The following BNC2 variants were observed in gnomAD, a reference collection of about 807,000 sequenced individuals.
BNC2 encodes the protein zinc finger protein basonuclin-2.
Under a neutral mutation model 76.3 loss-of-function variants are expected in BNC2, and 20 were observed. That is an observed-to-expected ratio of 0.26 (90% CI 0.18 to 0.38). The LOEUF (loss-of-function observed/expected upper bound fraction) is 0.38, where lower values mean the gene tolerates loss of function less well. Ranked by LOEUF, BNC2 falls within the 10% of genes least tolerant of loss-of-function variation. The pLI is 1.00. For synonymous variants in BNC2, 582 were observed against 514.8 expected (o/e 1.13, Z -1.77); for missense variants, 1,382 against 1,399.8 (o/e 0.99, Z 0.20).
intron 1 of BNC2, among the ~76,000 whole-genome samples, chr9:16,840,763 T>C (rs923613295): frequency 1.3e-5 from 2 of 152,192 alleles, no homozygotes; most frequent in African/African-American, 4.8e-5. Context: ...ATTTCAATCA[T>C]AGTTATTTCA....
At chr9:16,765,890 C>T (rs565908374) in intron 1 of BNC2, among the ~76,000 whole-genome samples, 2 of 152,018 alleles carry the variant, frequency 1.3e-5, no homozygotes, top group Admixed American at 1.3e-4. Flanking sequence ...GGGTTCACGC[C>T]ATTCTCCTGC....
At chr9:16,605,784 CTT>C (rs34431220) in intron 3 of BNC2, among the ~76,000 whole-genome samples, 18 of 110,732 alleles carry the variant, frequency 1.6e-4, no homozygotes, top group East Asian at 5.0e-4. Flanking sequence ...TTCAAGAATT[CTT>C]TTTTTTTTTT....
intron 3 of BNC2, among the ~76,000 whole-genome samples, chr9:16,596,244 G>C (rs987536726): frequency 9.2e-5 from 14 of 152,114 alleles, no homozygotes; most frequent in Middle Eastern, 3.4e-3. Flanking sequence ...AACATCTTGG[G>C]GCAGGGGAGA....
At chr9:16,721,489 T>TGA (rs1824156728) in intron 3 of BNC2, among the ~76,000 whole-genome samples, 1 of 152,106 alleles carries the variant, frequency 6.6e-6, no homozygotes, top group Admixed American at 6.5e-5. Context: ...CAGACAGTAG[T>TGA]GAGATCCATC....
chr9:16,514,584 C>G (rs961533585), intron 5 of BNC2, among the ~76,000 whole-genome samples: 2 of 152,178 alleles, frequency 1.3e-5, no homozygotes, highest in African/African-American at 2.4e-5. Flanking sequence ...GTATCATAAA[C>G]TTTCTTTCCT....
At chr9:16,660,258 C>G (rs977011465) in intron 3 of BNC2, among the ~76,000 whole-genome samples, 7 of 152,176 alleles carry the variant, frequency 4.6e-5, no homozygotes, top group African/African-American at 1.4e-4. Context: ...AGTTCAAGAC[C>G]AGCCTGTCCA....
In BNC2 at chr9:16,419,775, C is replaced by T. The variant is rs1820673265; in HGVS notation, c.2640-126G>A. The stretch of plus-strand genomic sequence containing the variant: ...AAATAAGCACATTCACTTCTAATTA[C>T]ACCATTATAAAAGCAAGCATTCCCC... On this transcript the variant is annotated intron_variant, in intron 6 of 6. Transcript: ENST00000380672. 4.6e-5 allele frequency: 32 copies of T among 695,504 alleles called. No individual in the cohort carries two copies. In the South Asian group the frequency reaches 5.2e-4, roughly 11 times the overall value. The allele number at this position is 695,504 out of a possible 1,614,324, so 43.1% of individuals were successfully genotyped here. A position where few individuals can be genotyped will look rare whatever the true frequency, so the allele number is the denominator to read the frequency against.
intron 5 of BNC2, among the ~76,000 whole-genome samples, chr9:16,499,357 A>T (rs1163895008): frequency 6.6e-6 from 1 of 152,032 alleles, no homozygotes; most frequent in Admixed American, 6.6e-5. Flanking sequence ...AGTTTGTATT[A>T]ATCTACTGTT....
intron 3 of BNC2, among the ~76,000 whole-genome samples, chr9:16,646,631 A>G (rs1821634770): frequency 2.0e-5 from 3 of 152,178 alleles, no homozygotes; most frequent in South Asian, 4.1e-4. Context: ...ATTATGGGGT[A>G]AAGAAAATGA....
At chr9:16,777,578 G>A (rs370126894) in intron 1 of BNC2, among the ~76,000 whole-genome samples, 4 of 151,940 alleles carry the variant, frequency 2.6e-5, no homozygotes, top group African/African-American at 9.6e-5. Context: ...GCGGGTGCCT[G>A]TAGTCCCAGC....
intron 1 of BNC2, among the ~76,000 whole-genome samples, chr9:16,749,346 T>C (rs764451871): frequency 6.6e-6 from 1 of 152,140 alleles, no homozygotes; most frequent in Non-Finnish European, 1.5e-5. Flanking sequence ...AAAAGAGCAA[T>C]TTGAGCCAAG....
chr9:16,497,289 T>C (rs1196799979), intron 5 of BNC2, among the ~76,000 whole-genome samples: 1 of 152,252 alleles, frequency 6.6e-6, no homozygotes, highest in African/African-American at 2.4e-5. Context: ...TCATTTATCC[T>C]AAAAACATTT....
intron 3 of BNC2, among the ~76,000 whole-genome samples, chr9:16,701,670 G>A (rs1392549342): frequency 2.6e-5 from 4 of 152,096 alleles, no homozygotes; most frequent in African/African-American, 7.2e-5. Flanking sequence ...AGGCAGGCGT[G>A]GTGGCTCACA....
chr9:16,813,951 A>C (rs1001307107), intron 1 of BNC2, among the ~76,000 whole-genome samples: 1 of 152,212 alleles, frequency 6.6e-6, no homozygotes, highest in Non-Finnish European at 1.5e-5. Flanking sequence ...TGTTAAAATG[A>C]CAACTAATCT....
At chr9:16,659,406 G>A (rs988468551) in intron 3 of BNC2, among the ~76,000 whole-genome samples, 5 of 151,874 alleles carry the variant, frequency 3.3e-5, no homozygotes, top group Non-Finnish European at 5.9e-5. Flanking sequence ...TCAGGAGATT[G>A]AGACCATCCT....
At position 16,418,678 on chromosome 9, in the gene BNC2, GTGTGTGTGTGTGTATGTGCA is replaced by G. The variant is rs1407564415; in HGVS notation, c.*291_*310del. ...CTAGTTGCACACTGTGTGTGTGTGT[GTGTGTGTGTGTGTATGTGCA>G]TGTGTGTGTGTGTGTGTTTAAAGGG... On this transcript the variant is annotated 3_prime_UTR_variant, in exon 7 of 7. Coordinates refer to ENST00000380672, the MANE Select transcript of BNC2 (RefSeq NM_017637.6). 5 of 309,750 alleles carry G rather than the reference GTGTGTGTGTGTGTATGTGCA, an allele frequency of 1.6e-5. No homozygotes were observed. The highest frequency in any genetic ancestry group is 1.8e-5 in the Non-Finnish European group (3 of 169,626). The allele number at this position is 309,750 out of a possible 1,614,324, so 19.2% of individuals were successfully genotyped here.
At chr9:16,722,082 T>C (rs1824174011) in intron 3 of BNC2, among the ~76,000 whole-genome samples, 1 of 152,020 alleles carries the variant, frequency 6.6e-6, no homozygotes, top group Admixed American at 6.6e-5. Flanking sequence ...GCATACAAGG[T>C]AGAGAGAGGG....
rs1449581749 is a variant in BNC2, at chr9:16,435,662, G to A, written c.2532C>T (p.Ser844=). The A allele has an allele frequency of 1.2e-6, 2 of 1,614,136 alleles. No homozygotes were observed. The highest frequency in any genetic ancestry group is 8.5e-7 in the Non-Finnish European group (1 of 1,180,006). ...TGTAGTGAAGTTTCACACTGTAGGA[G>A]CTTTTGAAACTCTTCTTGCACACAT... ...ICYVCKKSFK[S]SYSVKLHYRN... The change falls in exon 6 of 7, where the codon AGC becomes AGT. Residue 844 remains serine, a synonymous_variant. Coordinates refer to ENST00000380672, the MANE Select transcript of BNC2 (RefSeq NM_017637.6).
rs1397430096 is a variant in BNC2, at chr9:16,570,911, A to T, written c.433+12072T>A. 2.0e-5 allele frequency among the ~76,000 whole-genome samples: 3 copies of T among 152,198 alleles called. No homozygotes were observed. In the East Asian group the frequency reaches 5.8e-4, roughly 29 times the overall value. On this transcript the variant is annotated intron_variant, in intron 4 of 6. Transcript: ENST00000380672. ...TAATGTGAATAAAGAAACAGAGGGG[A>T]TATATTGGTTAGTGCTTTGAATTCT...
Sources: allele counts gnomAD v4.1 joint callset (sites outside exome capture counted in the v4.1 genomes callset), GRCh38; gene constraint gnomAD v4.1.1; transcripts MANE v1.5; gene names NCBI Gene and HGNC (gene_info 2026-07-23, HGNC 2026-07-21).